Variants in SHTN1 observed in about 807,000 individuals in gnomAD.
SHTN1 encodes shootin-1.
SHTN1 carries 42 observed loss-of-function variants against 83.1 expected under a neutral mutation model. The ratio of observed to expected loss-of-function variants is 0.51; its 90% confidence interval spans 0.39 to 0.65. The LOEUF is 0.65. SHTN1 is among the 30% of genes least tolerant of loss of function. The probability of loss-of-function intolerance (pLI) is 0.00; values close to 1 mark genes in which losing one functional copy is unlikely to be tolerated. For missense variants in SHTN1, 622 were observed against 737.8 expected (o/e 0.84, Z 1.82); for synonymous variants, 224 against 247.7 (o/e 0.90, Z 0.90).
At chr10:117,019,495 TA>T (rs957212926) in intron 2 of SHTN1, among the ~76,000 whole-genome samples, 16 of 150,988 alleles carry the variant, frequency 1.1e-4, no homozygotes, top group Admixed American at 2.6e-4. Context: ...TAAAAACATT[TA>T]AAAAAAAATA....
At position 116,901,119 on chromosome 10, in the gene SHTN1, C is replaced by T. The variant is rs1051970736; in HGVS notation, c.1673+646G>A. The T allele has an allele frequency of 9.1e-6, 9 of 985,226 alleles. No individual in the cohort carries two copies. In the African/African-American group the frequency reaches 1.4e-4, roughly 15 times the overall value. 61.0% of individuals were successfully genotyped at this position (985,226 alleles called of 1,614,324 possible). ...CTTTAAGTGACAAACTAGCTGACATCCTGGCAAGAGAACTAAAGCAAAACT... is the reference window on the plus strand; with the variant it reads ...CTTTAAGTGACAAACTAGCTGACATTCTGGCAAGAGAACTAAAGCAAAACT... On this transcript the variant is annotated intron_variant, in intron 16 of 16. Transcript: ENST00000355371.
At chr10:117,106,697 A>G (rs1853675808) in intron 1 of SHTN1, among the ~76,000 whole-genome samples, 1 of 152,186 alleles carries the variant, frequency 6.6e-6, no homozygotes, top group African/African-American at 2.4e-5. Context: ...GCTCCCAGCT[A>G]CTTTTCAAAC....
upstream of SHTN1, among the ~76,000 whole-genome samples, chr10:117,006,276 C>T (rs1408424361): frequency 1.3e-4 from 19 of 148,216 alleles, no homozygotes; most frequent in Admixed American, 5.4e-4. Context: ...ATAAAGATTA[C>T]AGGTCTGTGG....
At chr10:116,987,634 A>C (rs1469162318) in intron 1 of SHTN1, among the ~76,000 whole-genome samples, 1 of 152,134 alleles carries the variant, frequency 6.6e-6, no homozygotes, top group East Asian at 1.9e-4. Flanking sequence ...GATCAGTGGG[A>C]GGTCAGACGC....
At chr10:116,916,485 TACTG>T (rs1374951883) in intron 12 of SHTN1, among the ~76,000 whole-genome samples, 26 of 152,360 alleles carry the variant, frequency 1.7e-4, no homozygotes, top group Admixed American at 1.4e-3. Flanking sequence ...AACAAGTTTC[TACTG>T]ACTATTGGCT....
At chr10:117,065,504 G>A (rs1852963711) in intron 1 of SHTN1, among the ~76,000 whole-genome samples, 1 of 151,274 alleles carries the variant, frequency 6.6e-6, no homozygotes, top group East Asian at 2.0e-4. Context: ...GATTGCTTGA[G>A]GTCAGGAGTT....
At chr10:117,119,524 T>A (rs1853894341) in intron 1 of SHTN1, among the ~76,000 whole-genome samples, 1 of 152,064 alleles carries the variant, frequency 6.6e-6, no homozygotes, top group Non-Finnish European at 1.5e-5. Flanking sequence ...TGGCTTATAA[T>A]CAAAAGATAA....
chr10:116,887,863 G>A (rs1441466236), intron 16 of SHTN1, among the ~76,000 whole-genome samples: 2 of 152,182 alleles, frequency 1.3e-5, no homozygotes, highest in Non-Finnish European at 2.9e-5. Context: ...TTGGGTGTGA[G>A]TAGGTCTGGA....
At chr10:116,940,729 T>A in intron 8 of SHTN1, 117 bp from the exon 9 acceptor site, 1 of 754,664 alleles carries the variant, frequency 1.3e-6, no homozygotes, top group Non-Finnish European at 2.0e-6. Flanking sequence ...AGGCAAATTC[T>A]GACTTCTATA....
intron 3 of SHTN1, 153 bp from the exon 4 acceptor site, chr10:116,960,383 G>A: frequency 2.0e-6 from 1 of 504,564 alleles, no homozygotes; most frequent in Admixed American, 3.4e-5. Context: ...AAGCTGCCCT[G>A]ATTAAATCTG....
chr10:116,985,541 G>C (rs1367055650), intron 1 of SHTN1, among the ~76,000 whole-genome samples: 2 of 152,072 alleles, frequency 1.3e-5, no homozygotes, highest in Non-Finnish European at 2.9e-5. Flanking sequence ...TTAAATTAAG[G>C]AAGAAGGAAG....
At chr10:117,001,330 T>C (rs567552236) in intron 1 of SHTN1, among the ~76,000 whole-genome samples, 2 of 152,208 alleles carry the variant, frequency 1.3e-5, no homozygotes, top group South Asian at 4.1e-4. Flanking sequence ...ATAAAATGTT[T>C]TGAAGTAATT....
At chr10:116,917,107 A>G (rs901795904) in intron 12 of SHTN1, among the ~76,000 whole-genome samples, 1 of 152,210 alleles carries the variant, frequency 6.6e-6, no homozygotes, top group Non-Finnish European at 1.5e-5. Flanking sequence ...AAAGGGACAG[A>G]TAAGTAAATT....
At chr10:117,026,466 A>C (rs909519242) in intron 2 of SHTN1, among the ~76,000 whole-genome samples, 16 of 150,276 alleles carry the variant, frequency 1.1e-4, no homozygotes, top group South Asian at 8.4e-4. Context: ...CTTGTTGCCC[A>C]GGCTGGAATT....
At chr10:116,983,619 A>G (rs1371911443) in intron 1 of SHTN1, among the ~76,000 whole-genome samples, 2 of 151,734 alleles carry the variant, frequency 1.3e-5, no homozygotes, top group Admixed American at 6.6e-5. Flanking sequence ...ATTCTGGGGT[A>G]GAGCCTGGGC....
chr10:116,917,424 C>T (rs201149305), intron 12 of SHTN1, among the ~76,000 whole-genome samples: 1 of 152,198 alleles, frequency 6.6e-6, no homozygotes, highest in East Asian at 1.9e-4. Flanking sequence ...CCTGCCTCAG[C>T]CTCTCGAGTA....
chr10:117,111,704 T>G (rs1853770321), intron 1 of SHTN1, among the ~76,000 whole-genome samples: 1 of 152,064 alleles, frequency 6.6e-6, no homozygotes, highest in Admixed American at 6.5e-5. Context: ...CTGCTTGAAC[T>G]CAAACCCCAA....
chr10:116,934,078 G>T (rs896217832), intron 9 of SHTN1, among the ~76,000 whole-genome samples: 2 of 152,210 alleles, frequency 1.3e-5, no homozygotes, highest in African/African-American at 4.8e-5. Context: ...TTGCCAGAAG[G>T]ATAGAGTGCA....
chr10:117,118,190 T>C (rs373967484), intron 1 of SHTN1, among the ~76,000 whole-genome samples: 276 of 151,820 alleles, frequency 1.8e-3, no homozygotes, highest in Non-Finnish European at 2.6e-3. Context: ...AACAACTCAA[T>C]AGGAAAACAC....
Sources: gnomAD v4.1 joint callset for allele counts (sites outside exome capture counted in the v4.1 genomes callset) on GRCh38, gnomAD v4.1.1 for gene constraint, MANE v1.5 for transcripts, NCBI Gene and HGNC (gene_info 2026-07-23, HGNC 2026-07-21) for gene names.